PHIP: variants seen among roughly 807,000 people sequenced by gnomAD.
The protein encoded by PHIP is PH-interacting protein.
Under a neutral mutation model 236.8 loss-of-function variants are expected in PHIP, and 54 were observed. The observed-to-expected ratio is 0.23, with a 90% CI of 0.18 to 0.29. The LOEUF is 0.29. PHIP is among the 10% of genes least tolerant of loss of function. PHIP has a pLI of 1.00. For synonymous variants in PHIP, 756 were observed against 718.9 expected, an observed-to-expected ratio of 1.05 and a Z score of -0.83; for missense variants, 1,370 against 2,190.8, an observed-to-expected ratio of 0.63 and a Z score of 7.48.
At chr6:79,040,457 A>G (rs1286936704) in intron 7 of PHIP, among the ~76,000 whole-genome samples, 1 of 152,168 alleles carries the variant, frequency 6.6e-6, no homozygotes, top group African/African-American at 2.4e-5. Flanking sequence ...CCAATTATAT[A>G]AAAAGGAAAT....
chr6:79,026,181 A>G lies in PHIP; in HGVS notation c.601-17T>C. 4.6e-6 allele frequency: 7 copies of G among 1,537,578 alleles called. No individual in the cohort carries two copies. Among genetic ancestry groups the G allele is most frequent in the Non-Finnish European group, 5.4e-6 (6 of 1,110,880 alleles). On this transcript the variant is annotated splice_polypyrimidine_tract_variant and intron_variant, in intron 7 of 39. Transcript: ENST00000275034. Reference sequence around the variant, plus strand: ...ATCAGAACCCTTAAAGTAAGAATGGATATTAATAGAATTAACCCCATAAAT... The same window carrying G: ...ATCAGAACCCTTAAAGTAAGAATGGGTATTAATAGAATTAACCCCATAAAT...
chr6:79,077,351 T>C (rs1258157679), intron 4 of PHIP, 97 bp downstream of exon 4: 10 of 1,164,856 alleles, frequency 8.6e-6, no homozygotes, highest in African/African-American at 6.2e-5. Context: ...TTTCACGTTC[T>C]AGGGCCAAGT....
At position 78,945,310 on chromosome 6, in the gene PHIP, G is replaced by C; in HGVS notation, c.4818C>G (p.Val1606=). 6.2e-7 allele frequency: 1 copy of C among 1,607,596 alleles called. No individual in the cohort carries two copies. The highest frequency in any genetic ancestry group is 8.5e-7 in the Non-Finnish European group (1 of 1,174,084). The change falls in exon 39 of 40, where the codon GTC becomes GTG. Residue 1606 remains valine (V), a synonymous_variant. Transcript: ENST00000275034. ...CAAGTAATACCTTACCTTGCTCAATGACAGCTGATGACTTTGAAAGAGTGG... is the reference window on the plus strand; with the variant it reads ...CAAGTAATACCTTACCTTGCTCAATCACAGCTGATGACTTTGAAAGAGTGG... ...KASTLSKSSA[V]IEQGDCKNNA... is the part of the protein sequence containing the mutation.
chr6:78,990,802 T>C, intron 20 of PHIP, 66 bp downstream of exon 20: 1 of 799,910 alleles, frequency 1.3e-6, no homozygotes, highest in Non-Finnish European at 2.0e-6. Flanking sequence ...AATTACAAAA[T>C]GGAGCCTTAA....
chr6:79,054,466 A>G (rs1277053895), intron 6 of PHIP, among the ~76,000 whole-genome samples: 1 of 151,696 alleles, frequency 6.6e-6, no homozygotes, highest in East Asian at 1.9e-4. Context: ...ATATATTTAA[A>G]TAAGTGATGA....
intron 21 of PHIP, among the ~76,000 whole-genome samples, chr6:78,987,518 A>T (rs1768944195): frequency 6.6e-6 from 1 of 152,158 alleles, no homozygotes; most frequent in South Asian, 2.1e-4. Flanking sequence ...TATGCCTAGC[A>T]TTTCAAAGCA....
At chr6:79,024,570 C>T (rs554656999) in intron 9 of PHIP, among the ~76,000 whole-genome samples, 2 of 152,194 alleles carry the variant, frequency 1.3e-5, no homozygotes, top group South Asian at 2.1e-4. Flanking sequence ...TTTGGGAGGC[C>T]GAGGTGGGCG....
intron 4 of PHIP, among the ~76,000 whole-genome samples, chr6:79,071,216 G>C (rs1773868827): frequency 6.6e-6 from 1 of 152,130 alleles, no homozygotes; most frequent in South Asian, 2.1e-4. Context: ...ACTGATGATT[G>C]CCTTCTCTGT....
chr6:79,078,060 A>C lies in PHIP; in HGVS notation c.9T>G (p.Cys3Trp), dbSNP rs758955706. The change falls in exon 1 of 40, where the codon TGT becomes TGG. Residue 3 changes from cysteine (C) to tryptophan (W), a missense_variant. Physicochemically the swap from Cys to Trp is radical, Grantham distance 215 (BLOSUM62 -2). This residue lies in a region of PHIP where 43 missense variants were observed against 53.8 expected (regional missense o/e 0.80). Transcript: ENST00000275034. MSCERKGLSELRS... is the reference protein window; with the variant it reads MSWERKGLSELRS... The stretch of plus-strand genomic sequence containing the variant: ...GCAGCTCCGAGAGGCCTTTCCTCTC[A>C]CAAGACATGTTTATGGGTCACTTCA... 2 of 1,609,166 alleles carry C rather than the reference A, an allele frequency of 1.2e-6. No homozygotes were observed. Among genetic ancestry groups the C allele is most frequent in the South Asian group, 1.1e-5 (1 of 90,928 alleles).
chr6:79,059,596 T>C (rs976874732), intron 6 of PHIP, among the ~76,000 whole-genome samples: 1 of 60,118 alleles, frequency 1.7e-5, no homozygotes, highest in Non-Finnish European at 4.0e-5. Flanking sequence ...CAAAATTATA[T>C]ATATATATAT....
intron 6 of PHIP, among the ~76,000 whole-genome samples, chr6:79,046,427 A>G (rs1013311078): frequency 6.6e-6 from 1 of 152,148 alleles, no homozygotes; most frequent in East Asian, 1.9e-4. Flanking sequence ...TTATTACCAG[A>G]CCTATTTAAT....
At chr6:79,027,252 C>CA (rs1248060055) in intron 7 of PHIP, among the ~76,000 whole-genome samples, 1 of 152,080 alleles carries the variant, frequency 6.6e-6, no homozygotes, top group Non-Finnish European at 1.5e-5. Flanking sequence ...TATCTTAAAT[C>CA]AGACTCTGCC....
chr6:78,992,069 T>C (rs1338042760), intron 19 of PHIP, among the ~76,000 whole-genome samples: 1 of 151,432 alleles, frequency 6.6e-6, no homozygotes, highest in Admixed American at 6.6e-5. Flanking sequence ...TTCACACCAT[T>C]CTCCTGCCTC....
intron 23 of PHIP, among the ~76,000 whole-genome samples, chr6:78,980,704 A>T (rs554894964): frequency 1.3e-5 from 2 of 152,174 alleles, no homozygotes; most frequent in South Asian, 4.1e-4. Context: ...TATCACAGAG[A>T]TCCCACAACC....
intron 24 of PHIP, among the ~76,000 whole-genome samples, chr6:78,977,864 C>G (rs918677176): frequency 1.3e-5 from 2 of 151,800 alleles, no homozygotes; most frequent in Non-Finnish European, 2.9e-5. Flanking sequence ...TTTTTGTTTT[C>G]TTTTTTTTCT....
At chr6:78,980,837 T>A (rs1011372476) in intron 23 of PHIP, among the ~76,000 whole-genome samples, 2 of 152,012 alleles carry the variant, frequency 1.3e-5, no homozygotes, top group African/African-American at 4.8e-5. Flanking sequence ...ACAGAAAAGT[T>A]TGAAAATCAT....
At chr6:78,962,521 T>C (rs1766851665) in intron 30 of PHIP, among the ~76,000 whole-genome samples, 1 of 152,162 alleles carries the variant, frequency 6.6e-6, no homozygotes, top group Non-Finnish European at 1.5e-5. Context: ...CTCATGTTAA[T>C]TTCTCTCTAG....
chr6:79,010,185 C>G (rs1466621841), intron 15 of PHIP, among the ~76,000 whole-genome samples: 1 of 151,704 alleles, frequency 6.6e-6, no homozygotes, highest in African/African-American at 2.4e-5. Flanking sequence ...ACAATATGAG[C>G]TGTACCTATT....
chr6:78,997,844 T>C (rs186228486), intron 18 of PHIP, among the ~76,000 whole-genome samples: 2 of 151,972 alleles, frequency 1.3e-5, no homozygotes, highest in Non-Finnish European at 2.9e-5. Context: ...GGATACAAAA[T>C]CATTACTTTA....
Sources: gnomAD v4.1 joint callset for allele counts (sites outside exome capture counted in the v4.1 genomes callset) on GRCh38, gnomAD v4.1.1 for gene constraint, gnomAD v4.1.1 regional missense constraint, MANE v1.5 for transcripts, NCBI Gene and HGNC (gene_info 2026-07-23, HGNC 2026-07-21) for gene names.